VWA8: variants seen among roughly 807,000 people sequenced by gnomAD.
VWA8 encodes the protein von Willebrand factor A domain containing 8, also known as von Willebrand factor A domain-containing protein 8.
A neutral mutation model predicts 241.5 loss-of-function variants in VWA8; 221 were observed. The observed-to-expected ratio is 0.91, with a 90% CI of 0.82 to 1.02. The LOEUF (loss-of-function observed/expected upper bound fraction) is 1.02. Ranked by LOEUF, VWA8 falls within the 50% of genes least tolerant of loss-of-function variation. VWA8 has a pLI of 0.00. For synonymous variants in VWA8, 852 were observed against 827.1 expected (o/e 1.03, Z -0.52); for missense variants, 2,322 against 2,328.7 (o/e 1.00, Z 0.06).
Position 41,615,012 on chromosome 13 carries a change from G to A in VWA8, c.4684C>T (p.Pro1562Ser). The stretch of plus-strand genomic sequence containing the variant: ...GCCCAAGTGTTGCCGCCCACGTGAG[G>A]CATGTTGTCTGGGTCCTCCTTCCCG... Reference protein sequence around the residue: ...KHGKEDPDNMPHVGGNTWAGG... With the variant: ...KHGKEDPDNMSHVGGNTWAGG... Residue 1562 changes from proline to serine, a missense_variant, in exon 38 of 45, where the codon CCT becomes TCT. Coordinates refer to ENST00000379310, the MANE Select transcript of VWA8 (RefSeq NM_015058.2). 6.2e-7 allele frequency: 1 copy of A among 1,613,780 alleles called. No individual in the cohort carries two copies. Among genetic ancestry groups the A allele is most frequent in the Non-Finnish European group, 8.5e-7 (1 of 1,179,946 alleles).
intron 12 of VWA8, among the ~76,000 whole-genome samples, chr13:41,840,537 T>C (rs1593808409): frequency 6.6e-6 from 1 of 151,938 alleles, no homozygotes; most frequent in East Asian, 1.9e-4. Context: ...GTGGGCTGAT[T>C]GCTTGAGCTC....
chr13:41,719,495 A>C, intron 26 of VWA8, 96 bp downstream of exon 26: 2 of 1,584,216 alleles, frequency 1.3e-6, no homozygotes, highest in Non-Finnish European at 1.7e-6. Flanking sequence ...TTACTCATGG[A>C]AAGTAATTTC....
chr13:41,788,721 T>C (rs1287356446), intron 17 of VWA8, among the ~76,000 whole-genome samples: 1 of 152,126 alleles, frequency 6.6e-6, no homozygotes, highest in Non-Finnish European at 1.5e-5. Context: ...TTAACCTTCC[T>C]CTTACCACTA....
intron 43 of VWA8, among the ~76,000 whole-genome samples, chr13:41,572,323 G>A (rs2044312869): frequency 6.6e-6 from 1 of 152,370 alleles, no homozygotes; most frequent in Admixed American, 6.5e-5. Flanking sequence ...CATTGAGAAT[G>A]GGCCATGATG....
rs566150912 is a variant in VWA8 at position 41,865,424 on chromosome 13, T to C, written c.1425+312A>G. 3 of 317,936 alleles carry C rather than the reference T, an allele frequency of 9.4e-6. 1 individual carries two copies. The highest frequency in any genetic ancestry group is 8.5e-5 in the South Asian group (3 of 35,168). 19.7% of individuals were successfully genotyped at this position (317,936 alleles called of 1,614,324 possible). A position where few individuals can be genotyped will look rare whatever the true frequency, so the allele number is the denominator to read the frequency against. On this transcript the variant is annotated intron_variant, in intron 12 of 44. Coordinates refer to ENST00000379310, the MANE Select transcript of VWA8 (RefSeq NM_015058.2). ...AACAGTAGGTCTTATTTCTCCCACC[T>C]ACCTGTATTTTTATAACTATTAATC...
At chr13:41,709,150 AAT>A (rs1399219338) in intron 26 of VWA8, among the ~76,000 whole-genome samples, 2 of 152,240 alleles carry the variant, frequency 1.3e-5, no homozygotes. Flanking sequence ...CTCTACTATG[AAT>A]ATAGCACTTT....
chr13:41,819,938 C>A (rs1159779800), intron 14 of VWA8, among the ~76,000 whole-genome samples: 2 of 152,024 alleles, frequency 1.3e-5, no homozygotes, highest in African/African-American at 4.8e-5. Context: ...GAAAATAAAA[C>A]CTTTATAGAA....
intron 8 of VWA8, among the ~76,000 whole-genome samples, chr13:41,884,260 G>A (rs1054980921): frequency 1.3e-5 from 2 of 152,130 alleles, no homozygotes; most frequent in Admixed American, 6.5e-5. Context: ...ACTGAATCAT[G>A]GAGGCAGTTA....
At chr13:41,777,293 T>C (rs929222149) in intron 20 of VWA8, among the ~76,000 whole-genome samples, 1 of 152,240 alleles carries the variant, frequency 6.6e-6, no homozygotes, top group South Asian at 2.1e-4. Flanking sequence ...GAAAAACCTA[T>C]TCAGCCAGGG....
At chr13:41,592,570 G>GA (rs58447140) in intron 40 of VWA8, among the ~76,000 whole-genome samples, 13,253 of 133,398 alleles carry the variant, frequency 0.099, 914 homozygotes, top group African/African-American at 0.2. Context: ...TATTTGTTTT[G>GA]AAAAAAAAAA....
chr13:41,871,974 CCTGA>C (rs1873647399), intron 9 of VWA8, among the ~76,000 whole-genome samples: 1 of 152,170 alleles, frequency 6.6e-6, no homozygotes, highest in South Asian at 2.1e-4. Flanking sequence ...CCTGTTGTTT[CCTGA>C]CTTTTTAATG....
At chr13:41,776,285 A>C (rs1868588959) in intron 20 of VWA8, among the ~76,000 whole-genome samples, 1 of 152,178 alleles carries the variant, frequency 6.6e-6, no homozygotes, top group South Asian at 2.1e-4. Context: ...TTAACTTATA[A>C]AGAGTTTGTG....
At position 41,758,398 on chromosome 13, in the gene VWA8, G is replaced by GTGTATATATA. The variant is rs1412122391; in HGVS notation, c.2426+2729_2426+2730insTATATATACA. The stretch of plus-strand genomic sequence containing the variant: ...TATATATATATATATATATACGCTA[G>GTGTATATATA]TATATATATATATATATATATATAT... On this transcript the variant is annotated intron_variant, in intron 21 of 44. Coordinates refer to ENST00000379310, the MANE Select transcript of VWA8 (RefSeq NM_015058.2). Among the ~76,000 whole-genome samples, 8 of 25,020 alleles carry GTGTATATATA rather than the reference G, an allele frequency of 3.2e-4. 1 individual carries two copies. Among genetic ancestry groups the GTGTATATATA allele is most frequent in the South Asian group, 4.0e-3 (2 of 494 alleles). The allele number at this position is 25,020 out of a possible 152,430, so 16.4% of individuals were successfully genotyped here.
rs371253730 is a variant in VWA8 at position 41,611,720 on chromosome 13, G to A, written c.4733C>T (p.Thr1578Met). The A allele has an allele frequency of 2.9e-5, 47 of 1,613,800 alleles. 1 individual carries two copies. Among genetic ancestry groups the A allele is most frequent in the Non-Finnish European group, 3.1e-5 (37 of 1,179,900 alleles). ...GCCTCCTTTGCCACCCAGGCCTGCC[G>A]TGTCTCTTCCCCCTGGAAGGAAAAC... ...TWAGGTGGRDTAGLGGKGGPY... is the reference protein window; with the variant it reads ...TWAGGTGGRDMAGLGGKGGPY... The change falls in exon 39 of 45, where the codon ACG becomes ATG. Residue 1578 changes from threonine to methionine, a missense_variant. Physicochemically the swap from Thr to Met is moderately conservative, Grantham distance 81. Transcript: ENST00000379310.
chr13:41,602,338 C>T (rs2139654627), intron 40 of VWA8, among the ~76,000 whole-genome samples: 1 of 152,172 alleles, frequency 6.6e-6, no homozygotes, highest in African/African-American at 2.4e-5. Context: ...GAGACCCTAA[C>T]AAACAATAAT....
At chr13:41,740,206 C>G (rs568616066) in intron 21 of VWA8, among the ~76,000 whole-genome samples, 1 of 152,234 alleles carries the variant, frequency 6.6e-6, no homozygotes, top group African/African-American at 2.4e-5. Context: ...TCTGAGGAAT[C>G]AGAGGACAGA....
At position 41,960,912 on chromosome 13, in the gene VWA8, C is replaced by A; in HGVS notation, c.104G>T (p.Gly35Val). The A allele has an allele frequency of 6.6e-7, 1 of 1,512,426 alleles. No individual in the cohort carries two copies. The highest frequency in any genetic ancestry group is 8.8e-7 in the Non-Finnish European group (1 of 1,136,904). The allele number at this position is 1,512,426 out of a possible 1,614,324, so 93.7% of individuals were successfully genotyped here. ...GACCTCCGGCCGCTGCCTGTCGCCA[C>A]CCGGCCTGCGCTGCACCACCTGCCG... is the stretch of plus-strand genomic sequence containing the variant. ...LLRQVVQRRP[G>V]GDRQRPEVRL... is the part of the protein sequence containing the mutation. The change falls in exon 1 of 45, where the codon GGT (glycine) becomes GTT (valine). Residue 35 changes from glycine (G) to valine (V), a missense_variant. Coordinates refer to ENST00000379310, the MANE Select transcript of VWA8 (RefSeq NM_015058.2).
chr13:41,868,481 TA>T lies in VWA8; in HGVS notation c.1081-5del, dbSNP rs762912096. 11 of 1,608,512 alleles carry T rather than the reference TA, an allele frequency of 6.8e-6. No homozygotes were observed. The highest frequency in any genetic ancestry group is 1.3e-5 in the African/African-American group (1 of 74,746). The stretch of plus-strand genomic sequence containing the variant: ...CTGAATCTTGAAGTTCAAAGCGCTG[TA>T]AAATTACAAGAAAATCATGCAATTT... On this transcript the variant is annotated splice_polypyrimidine_tract_variant and splice_region_variant and intron_variant, in intron 9 of 44. Coordinates refer to ENST00000379310, the MANE Select transcript of VWA8 (RefSeq NM_015058.2).
intron 3 of VWA8, among the ~76,000 whole-genome samples, chr13:41,911,252 C>A (rs752996202): frequency 6.6e-6 from 1 of 151,792 alleles, no homozygotes; most frequent in African/African-American, 2.4e-5. Context: ...TTAGTAGAGC[C>A]GAGGTTTCAC....
Sources: gnomAD v4.1 joint callset for allele counts (sites outside exome capture counted in the v4.1 genomes callset) on GRCh38, gnomAD v4.1.1 for gene constraint, MANE v1.5 for transcripts, NCBI Gene and HGNC (gene_info 2026-07-23, HGNC 2026-07-21) for gene names.